Variants in GLRA2 observed in about 807,000 individuals in gnomAD.
The protein encoded by GLRA2 is glycine receptor subunit alpha-2.
A neutral mutation model predicts 31.6 loss-of-function variants in GLRA2; 11 were observed. That is an observed-to-expected ratio of 0.35 (90% CI 0.22 to 0.58). The LOEUF (loss-of-function observed/expected upper bound fraction) is 0.58. Among genes scored for constraint, GLRA2 ranks in the 20% least tolerant of loss-of-function variants. The probability of loss-of-function intolerance (pLI) is 0.84; values close to 1 mark genes in which losing one functional copy is unlikely to be tolerated. For missense variants in GLRA2, 212 were observed against 351.8 expected, an observed-to-expected ratio of 0.60 and a Z score of 3.18; for synonymous variants, 132 against 134.0, an observed-to-expected ratio of 0.99 and a Z score of 0.10.
intron 4 of GLRA2, among the ~76,000 whole-genome samples, chrX:14,585,581 A>C (rs2090072276): frequency 9.0e-6 from 1 of 111,490 alleles, no homozygotes; most frequent in Non-Finnish European, 1.9e-5. Flanking sequence ...CATGTCTTAA[A>C]GGTGCTGAAA....
chrX:14,711,965 C>T (rs890017023), intron 8 of GLRA2, among the ~76,000 whole-genome samples: 5 of 112,543 alleles, frequency 4.4e-5, no homozygotes, highest in Middle Eastern at 4.6e-3. Context: ...ACAAATCTTC[C>T]GCGATTAAGA....
chrX:14,509,973 T>C, the GLRA2 span, among the ~76,000 whole-genome samples: 2 of 111,799 alleles, frequency 1.8e-5, no homozygotes, highest in Non-Finnish European at 3.8e-5. Flanking sequence ...CAAAGTGAGT[T>C]AAAATCAGAG....
chrX:14,609,060 A>G lies in GLRA2; in HGVS notation c.785A>G (p.Tyr262Cys). The G allele has an allele frequency of 8.4e-7, 1 of 1,184,598 alleles. No individual in the cohort carries two copies. The highest frequency in any genetic ancestry group is 1.1e-6 in the Non-Finnish European group (1 of 870,998). Residue 262 changes from tyrosine (Y) to cysteine (C), a missense_variant, in exon 7 of 9, where the codon TAC (tyrosine) becomes TGC (cysteine). By Grantham distance (194) the Tyr-to-Cys change is radical. Transcript: ENST00000218075. The part of the protein sequence containing the change: ...RQMGYYLIQM[Y>C]IPSLLIVILS... ...ATGGGATATTATTTGATCCAGATGT[A>G]CATCCCAAGCCTGCTTATAGTAATT... is the stretch of plus-strand genomic sequence containing the variant.
Position 14,609,078 on chromosome X carries a change from T to C in GLRA2, c.803T>C (p.Ile268Thr), listed in dbSNP as rs770726796. Residue 268 changes from isoleucine (I) to threonine (T), a missense_variant, in exon 7 of 9, where the codon ATA becomes ACA. Physicochemically the swap from Ile to Thr is moderately conservative, Grantham distance 89 (BLOSUM62 -1). Coordinates refer to ENST00000218075, the MANE Select transcript of GLRA2 (RefSeq NM_002063.4). ...CAGATGTACATCCCAAGCCTGCTTA[T>C]AGTAATTTTGTCCTGGGTTTCCTTT... ...LIQMYIPSLL[I>T]VILSWVSFWI... 8.5e-7 allele frequency: 1 copy of C among 1,180,776 alleles called. No individual in the cohort carries two copies. The highest frequency in any genetic ancestry group is 1.7e-5 in the African/African-American group (1 of 57,149).
chrX:14,619,371 C>T (rs867106542), intron 7 of GLRA2, among the ~76,000 whole-genome samples: 4 of 111,186 alleles, frequency 3.6e-5, no homozygotes, highest in Non-Finnish European at 3.8e-5. Flanking sequence ...AAGCCAGTGT[C>T]CTCACTATGG....
At chrX:14,542,609 C>T (rs1034761133) in intron 2 of GLRA2, among the ~76,000 whole-genome samples, 9 of 108,572 alleles carry the variant, frequency 8.3e-5, no homozygotes, top group Non-Finnish European at 1.7e-4. Context: ...GAGACCAGTC[C>T]TTATTTAACT....
At chrX:14,589,730 A>G (rs930089020) in intron 4 of GLRA2, among the ~76,000 whole-genome samples, 6 of 107,914 alleles carry the variant, frequency 5.6e-5, no homozygotes, top group African/African-American at 1.3e-4. Context: ...ATGTGTGTGT[A>G]TATATATGTG....
the GLRA2 span, among the ~76,000 whole-genome samples, chrX:14,490,219 A>C: frequency 8.9e-6 from 1 of 112,133 alleles, no homozygotes; most frequent in Middle Eastern, 4.6e-3. Flanking sequence ...CAGGGGCTGC[A>C]TGTACACTGT....
chrX:14,493,843 T>A, the GLRA2 span, among the ~76,000 whole-genome samples: 1 of 105,720 alleles, frequency 9.5e-6, no homozygotes, highest in Non-Finnish European at 1.9e-5. Flanking sequence ...TTGGCTTATA[T>A]CCAAAAGAAA....
chrX:14,484,402 T>C, the GLRA2 span, among the ~76,000 whole-genome samples: 8 of 112,255 alleles, frequency 7.1e-5, no homozygotes, highest in South Asian at 2.9e-3. Flanking sequence ...CTCTGGACTT[T>C]CTTTGCAATT....
intron 2 of GLRA2, among the ~76,000 whole-genome samples, chrX:14,565,906 C>G (rs1298626684): frequency 1.1e-4 from 12 of 111,292 alleles, no homozygotes; most frequent in Non-Finnish European, 1.7e-4. Flanking sequence ...AAATTTACAC[C>G]TTGAAGAACT....
rs777169125 is a variant in GLRA2, at chrX:14,730,429, A to T, written c.1303A>T (p.Ile435Phe). 5.0e-6 allele frequency: 6 copies of T among 1,203,436 alleles called. No homozygotes were observed. In the Admixed American group the frequency reaches 1.3e-4, roughly 26 times the overall value. ...CCCATTGGCCTTCCTCATTTTCAAC[A>T]TCTTTTACTGGATCACATACAAGAT... ...AFPLAFLIFN[I>F]FYWITYKIIR... Residue 435 changes from isoleucine to phenylalanine, a missense_variant, in exon 9 of 9, where the codon ATC becomes TTC. Ile to Phe is a conservative substitution (Grantham distance 21). Transcript: ENST00000218075.
At chrX:14,532,486 G>A in intron 2 of GLRA2, 114 bp downstream of exon 2, 1 of 424,208 alleles carries the variant, frequency 2.4e-6, no homozygotes, top group Non-Finnish European at 3.8e-6. Context: ...GACAAGTATA[G>A]TGTTCATTTT....
intron 7 of GLRA2, among the ~76,000 whole-genome samples, chrX:14,683,430 G>C (rs766847171): frequency 1.3e-3 from 147 of 111,475 alleles, no homozygotes; most frequent in Non-Finnish European, 2.3e-3. Context: ...TGAGTTCATT[G>C]TAGATTCTGG....
At chrX:14,466,392 T>G in the GLRA2 span, among the ~76,000 whole-genome samples, 652 of 111,609 alleles carry the variant, frequency 5.8e-3, 8 homozygotes, top group African/African-American at 0.02. Context: ...TAGGACTACT[T>G]AACAGTAAAC....
chrX:14,623,109 C>T (rs933697875), intron 7 of GLRA2, among the ~76,000 whole-genome samples: 2 of 111,525 alleles, frequency 1.8e-5, no homozygotes, highest in African/African-American at 6.5e-5. Context: ...CTCTTTGAAG[C>T]AATTGTGAAT....
intron 2 of GLRA2, among the ~76,000 whole-genome samples, chrX:14,569,270 A>G (rs1009896740): frequency 4.5e-5 from 5 of 111,903 alleles, no homozygotes; most frequent in Admixed American, 3.8e-4. Context: ...AGAAAAAAAC[A>G]AACAAACAAA....
At chrX:14,690,882 A>T (rs1468248763) in intron 8 of GLRA2, 23 bp downstream of exon 8, 3 of 1,201,947 alleles carry the variant, frequency 2.5e-6, no homozygotes. Flanking sequence ...CTCAGTTCAG[A>T]CAATGTAGAG....
chrX:14,471,607 T>C, the GLRA2 span, among the ~76,000 whole-genome samples: 117 of 112,265 alleles, frequency 1.0e-3, no homozygotes, highest in African/African-American at 3.7e-3. Flanking sequence ...CCAATGCATG[T>C]AGCTAGTGAT....
Sources: allele counts gnomAD v4.1 joint callset (sites outside exome capture counted in the v4.1 genomes callset), GRCh38; gene constraint gnomAD v4.1.1; transcripts MANE v1.5; gene names NCBI Gene and HGNC (gene_info 2026-07-23, HGNC 2026-07-21).